The following LGR4 variants were observed in gnomAD, a reference collection of about 807,000 sequenced individuals.
LGR4 encodes the protein leucine-rich repeat-containing G protein-coupled receptor 4.
LGR4 carries 44 observed loss-of-function variants against 84.8 expected under a neutral mutation model. The ratio of observed to expected loss-of-function variants is 0.52; its 90% confidence interval spans 0.41 to 0.67. The LOEUF (loss-of-function observed/expected upper bound fraction) is 0.67, where lower values mean the gene tolerates loss of function less well. LGR4 is among the 30% of genes least tolerant of loss of function. The pLI, the probability that LGR4 is intolerant of heterozygous loss-of-function variation, is 0.00. For synonymous variants in LGR4, 429 were observed against 434.3 expected, an observed-to-expected ratio of 0.99 and a Z score of 0.15; for missense variants, 1,032 against 1,131.4, an observed-to-expected ratio of 0.91 and a Z score of 1.26.
chr11:27,403,324 G>C (rs1439609739), intron 2 of LGR4, among the ~76,000 whole-genome samples: 1 of 152,132 alleles, frequency 6.6e-6, no homozygotes, highest in African/African-American at 2.4e-5. Flanking sequence ...AGCTGGGCAT[G>C]GTGGCATGTG....
intron 2 of LGR4, among the ~76,000 whole-genome samples, chr11:27,410,024 T>C (rs1863680917): frequency 6.6e-6 from 1 of 152,200 alleles, no homozygotes; most frequent in Admixed American, 6.6e-5. Context: ...CACTGTCTAA[T>C]ATAGTAGCAA....
chr11:27,380,480 G>A, intron 9 of LGR4, 141 bp from the exon 10 acceptor site: 1 of 727,488 alleles, frequency 1.4e-6, no homozygotes, highest in East Asian at 2.7e-5. Context: ...GTATGATAAT[G>A]TGGCAAAGTA....
intron 1 of LGR4, among the ~76,000 whole-genome samples, chr11:27,426,971 C>A (rs1864033894): frequency 6.6e-6 from 1 of 152,238 alleles, no homozygotes; most frequent in African/African-American, 2.4e-5. Flanking sequence ...TGGGGTGAGT[C>A]CCTCCCTGTA....
intron 2 of LGR4, among the ~76,000 whole-genome samples, chr11:27,399,316 T>TA (rs1429252087): frequency 1.3e-5 from 2 of 152,100 alleles, no homozygotes; most frequent in Non-Finnish European, 2.9e-5. Flanking sequence ...GATGCCATTC[T>TA]ATTCCCTCAA....
chr11:27,403,574 A>G (rs1863545384), intron 2 of LGR4, among the ~76,000 whole-genome samples: 1 of 152,262 alleles, frequency 6.6e-6, no homozygotes, highest in Non-Finnish European at 1.5e-5. Flanking sequence ...AACTAGATGT[A>G]TTAATATGTA....
chr11:27,410,711 T>G (rs117632230), intron 2 of LGR4, among the ~76,000 whole-genome samples: 1,820 of 152,242 alleles, frequency 0.012, 112 homozygotes, highest in East Asian at 0.092. Flanking sequence ...TTTTGAAGTA[T>G]TCTTTAAAAA....
Position 27,368,116 on chromosome 11 carries a change from T to C in LGR4, c.2607A>G (p.Pro869=). 6.2e-7 allele frequency: 1 copy of C among 1,613,262 alleles called. No individual in the cohort carries two copies. Among genetic ancestry groups the C allele is most frequent in the Non-Finnish European group, 8.5e-7 (1 of 1,179,610 alleles). The change falls in exon 18 of 18, where the codon CCA becomes CCG. Residue 869 remains proline, a synonymous_variant. Transcript: ENST00000379214. ...DCCESFLLTK[P]VSCKHLIKSH... is the part of the protein sequence containing the mutation. ...ATTTTATCAAGTGTTTGCATGATAC[T>C]GGCTTTGTTAAAAGAAACGATTCGC...
intron 15 of LGR4, 89 bp downstream of exon 15, chr11:27,373,462 T>A (rs1011419942): frequency 3.9e-5 from 50 of 1,296,520 alleles, no homozygotes; most frequent in Non-Finnish European, 5.0e-5. Context: ...TATCAGAAAA[T>A]CTGAGAACCA....
intron 1 of LGR4, among the ~76,000 whole-genome samples, chr11:27,428,951 C>G (rs991198747): frequency 6.6e-6 from 1 of 152,032 alleles, no homozygotes; most frequent in African/African-American, 2.4e-5. Context: ...CTGCTGTCAC[C>G]TGGAGACACA....
intron 15 of LGR4, among the ~76,000 whole-genome samples, chr11:27,372,746 T>G (rs1306739374): frequency 6.6e-6 from 1 of 152,232 alleles, no homozygotes; most frequent in Non-Finnish European, 1.5e-5. Flanking sequence ...ACGAAACTGA[T>G]AGTTTCACTT....
At chr11:27,380,571 A>G in intron 9 of LGR4, 69 bp downstream of exon 9, 3 of 1,114,140 alleles carry the variant, frequency 2.7e-6, no homozygotes, top group Non-Finnish European at 4.0e-6. Context: ...AGTTCCAGTA[A>G]TAAATTCTTG....
chr11:27,415,653 G>A (rs1013454846), intron 1 of LGR4, among the ~76,000 whole-genome samples: 1 of 152,020 alleles, frequency 6.6e-6, no homozygotes, highest in African/African-American at 2.4e-5. Context: ...TCACACACCC[G>A]GAGAAGTTCC....
chr11:27,398,095 A>G (rs940115947), intron 2 of LGR4, among the ~76,000 whole-genome samples: 1 of 152,216 alleles, frequency 6.6e-6, no homozygotes, highest in African/African-American at 2.4e-5. Flanking sequence ...GGCTCCTTCC[A>G]GGGAAAGCTT....
intron 1 of LGR4, among the ~76,000 whole-genome samples, chr11:27,444,170 CTG>C (rs1384512794): frequency 1.3e-5 from 2 of 151,972 alleles, no homozygotes; most frequent in Admixed American, 1.3e-4. Flanking sequence ...AACTGAAACA[CTG>C]TTAAAATTTT....
intron 1 of LGR4, among the ~76,000 whole-genome samples, chr11:27,453,635 A>G (rs1467498409): frequency 1.3e-5 from 2 of 152,164 alleles, no homozygotes; most frequent in African/African-American, 4.8e-5. Flanking sequence ...ATGGCATCAG[A>G]TACTGTTCAA....
chr11:27,368,513 AG>A lies in LGR4; in HGVS notation c.2209del (p.Leu737SerfsTer9). 2 of 1,614,196 alleles carry A rather than the reference AG, an allele frequency of 1.2e-6. No homozygotes were observed. The highest frequency in any genetic ancestry group is 1.7e-6 in the Non-Finnish European group (2 of 1,180,014). ...KLYCNLEKEDLSENSQSSMIK... is the reference protein window; with the variant it reads ...KLYCNLEKEDXSENSQSSMIK... ...CATGCTAGATTGTGAGTTTTCTGAG[AG>A]GTCCTCTTTTTCCAAGTTGCAGTAT... On this transcript the variant is annotated frameshift_variant, in exon 18 of 18. Transcript: ENST00000379214. LOFTEE classifies it high-confidence loss of function.
At chr11:27,422,378 C>T (rs1565087890) in intron 1 of LGR4, among the ~76,000 whole-genome samples, 1 of 152,280 alleles carries the variant, frequency 6.6e-6, no homozygotes, top group African/African-American at 2.4e-5. Context: ...TCTGTTTAGA[C>T]GCGTATTTTT....
intron 2 of LGR4, among the ~76,000 whole-genome samples, chr11:27,394,248 A>G (rs1355566577): frequency 6.6e-6 from 1 of 151,958 alleles, no homozygotes; most frequent in Non-Finnish European, 1.5e-5. Flanking sequence ...TGTAGCCTTC[A>G]CCTCCCAGGG....
intron 1 of LGR4, among the ~76,000 whole-genome samples, chr11:27,449,629 G>GA (rs886967750): frequency 4.7e-4 from 65 of 137,176 alleles, no homozygotes; most frequent in East Asian, 8.4e-4. Context: ...ATTAAAAAAA[G>GA]AAAAAAAAAA....
Sources: gnomAD v4.1 joint callset for allele counts (sites outside exome capture counted in the v4.1 genomes callset) on GRCh38, gnomAD v4.1.1 for gene constraint, MANE v1.5 for transcripts, NCBI Gene and HGNC (gene_info 2026-07-23, HGNC 2026-07-21) for gene names.